Variants in ANP32B observed in about 807,000 individuals in gnomAD.
ANP32B encodes the protein acidic leucine-rich nuclear phosphoprotein 32 family member B.
In ANP32B, 6 loss-of-function variants were observed where a neutral mutation model predicts 32.2. That is an observed-to-expected ratio of 0.19 (90% CI 0.10 to 0.37). The LOEUF is 0.37. Among genes scored for constraint, ANP32B ranks in the 10% least tolerant of loss-of-function variants. The pLI is 1.00. For synonymous variants in ANP32B, 98 were observed against 105.8 expected, an observed-to-expected ratio of 0.93 and a Z score of 0.45; for missense variants, 204 against 289.2, an observed-to-expected ratio of 0.71 and a Z score of 2.14.
chr9:97,985,115 G>C (rs1255671299), intron 1 of ANP32B, among the ~76,000 whole-genome samples: 1 of 151,324 alleles, frequency 6.6e-6, no homozygotes, highest in East Asian at 2.0e-4. Context: ...CCGCGGCCGG[G>C]TGCCCCAGCG....
rs535530800 is a variant in ANP32B at position 97,998,660 on chromosome 9, C to A, written c.309C>A (p.Ile103=). 5.7e-4 allele frequency: 915 copies of A among 1,604,468 alleles called. 15 individuals are homozygous for A. In the South Asian group the frequency reaches 9.8e-3, roughly 17 times the overall value. ...LNLSGNKLKD[I]STLEPLKKLE... ...TAAGTGGAAATAAACTGAAAGATAT[C>A]AGCACCTTGGAACCTTTGGTAAGTA... Residue 103 remains isoleucine, a synonymous_variant, in exon 3 of 7, where the codon ATC becomes ATA. Transcript: ENST00000339399.
At chr9:97,998,247 A>G (rs758851787) in intron 2 of ANP32B, among the ~76,000 whole-genome samples, 4 of 152,230 alleles carry the variant, frequency 2.6e-5, no homozygotes, top group Non-Finnish European at 4.4e-5. Flanking sequence ...GGGTATTACA[A>G]CTTGTCAAAG....
intron 1 of ANP32B, among the ~76,000 whole-genome samples, chr9:97,990,797 A>T (rs988489309): frequency 7.3e-6 from 1 of 137,602 alleles, no homozygotes; most frequent in Non-Finnish European, 1.6e-5. Context: ...ATGCACTTTT[A>T]CTGCTTACAG....
At chr9:97,985,600 C>T (rs1827712761) in intron 1 of ANP32B, among the ~76,000 whole-genome samples, 1 of 152,172 alleles carries the variant, frequency 6.6e-6, no homozygotes, top group Non-Finnish European at 1.5e-5. Flanking sequence ...GCCAAAGTGC[C>T]CGCAAGAGAA....
In ANP32B at chr9:98,003,286, GA is replaced by G. The variant is rs776287117; in HGVS notation, c.328-1676del. ...TAACCCTGCTGTGTGTTCCCTGCAT[GA>G]ATAAAACAAGTGTGGGAGCCTCTTT... On this transcript the variant is annotated intron_variant, in intron 3 of 6. Coordinates refer to ENST00000339399, the MANE Select transcript of ANP32B (RefSeq NM_006401.3). Among the ~76,000 whole-genome samples, 14 of 152,300 alleles carry G rather than the reference GA, an allele frequency of 9.2e-5. No individual in the cohort carries two copies. In the South Asian group the frequency reaches 1.0e-3, roughly 11 times the overall value.
chr9:97,984,132 G>A (rs1827654886), intron 1 of ANP32B, among the ~76,000 whole-genome samples: 1 of 150,002 alleles, frequency 6.7e-6, no homozygotes, highest in Non-Finnish European at 1.5e-5. Flanking sequence ...GCCCGGCCGA[G>A]GTCAGCAGTC....
chr9:98,004,418 T>C (rs1828044093), intron 3 of ANP32B, among the ~76,000 whole-genome samples: 1 of 152,222 alleles, frequency 6.6e-6, no homozygotes, highest in African/African-American at 2.4e-5. Flanking sequence ...TTGACTCCTG[T>C]CTTCCCTGAA....
At chr9:98,015,260 T>C (rs553877218) in intron 6 of ANP32B, 104 bp from the exon 7 acceptor site, 11 of 1,485,880 alleles carry the variant, frequency 7.4e-6, no homozygotes, top group African/African-American at 1.4e-5. Context: ...TTACATTGTT[T>C]TATCTCCTAA....
chr9:97,996,837 T>G (rs561611295), intron 2 of ANP32B, among the ~76,000 whole-genome samples: 1 of 152,002 alleles, frequency 6.6e-6, no homozygotes, highest in Non-Finnish European at 1.5e-5. Flanking sequence ...TGACCTCAGG[T>G]GATCAGCCCA....
chr9:97,984,498 TG>T (rs1158928619), intron 1 of ANP32B: 1 of 150,898 alleles, frequency 6.6e-6, no homozygotes, highest in African/African-American at 2.4e-5. Flanking sequence ...CCCCTGCCCT[TG>T]CCCCGGGAGG....
intron 1 of ANP32B, among the ~76,000 whole-genome samples, chr9:97,992,659 T>C (rs1280167897): frequency 6.6e-6 from 1 of 152,238 alleles, no homozygotes; most frequent in Non-Finnish European, 1.5e-5. Context: ...TGTATTGCAG[T>C]ATACTGTTTA....
intron 1 of ANP32B, among the ~76,000 whole-genome samples, chr9:97,988,712 G>A (rs62575563): frequency 0.021 from 3,252 of 152,114 alleles, 38 homozygotes; most frequent in Non-Finnish European, 0.032. Context: ...GCAAAAGAGC[G>A]AGACTCCATC....
chr9:98,005,049 T>A lies in ANP32B; in HGVS notation c.413T>A (p.Leu138His), dbSNP rs761932651. The change falls in exon 4 of 7, where the codon CTC (leucine) becomes CAC (histidine). Residue 138 changes from leucine (L) to histidine (H), a missense_variant. By Grantham distance (99) the Leu-to-His change is moderately conservative. Coordinates refer to ENST00000339399, the MANE Select transcript of ANP32B (RefSeq NM_006401.3). Reference sequence around the variant, plus strand: ...GACTACCGAGAGAGTGTCTTCAAGCTCCTGCCCCAGCTTACCTACTTGGAT... The same window carrying A: ...GACTACCGAGAGAGTGTCTTCAAGCACCTGCCCCAGCTTACCTACTTGGAT... ...LNDYRESVFKLLPQLTYLDGY... is the reference protein window; with the variant it reads ...LNDYRESVFKHLPQLTYLDGY... 6.2e-7 allele frequency: 1 copy of A among 1,613,890 alleles called. No individual in the cohort carries two copies. The highest frequency in any genetic ancestry group is 1.1e-5 in the South Asian group (1 of 91,046).
Position 97,983,408 on chromosome 9 carries a change from C to G in ANP32B, c.-148C>G. ...GCTCCGGGGGCTCCGCTCGCCTGCC[C>G]GCACGCCGCCCGCCACCCAGGACCG... On this transcript the variant is annotated 5_prime_UTR_variant, in exon 1 of 7. Coordinates refer to ENST00000339399, the MANE Select transcript of ANP32B (RefSeq NM_006401.3). 1 of 635,728 alleles carries G rather than the reference C, an allele frequency of 1.6e-6. No homozygotes were observed. Among genetic ancestry groups the G allele is most frequent in the Non-Finnish European group, 2.7e-6 (1 of 377,124 alleles). 39.4% of individuals were successfully genotyped at this position (635,728 alleles called of 1,614,324 possible). A position where few individuals can be genotyped will look rare whatever the true frequency, so the allele number is the denominator to read the frequency against.
At chr9:98,001,226 C>T (rs1374867839) in intron 3 of ANP32B, among the ~76,000 whole-genome samples, 1 of 146,466 alleles carries the variant, frequency 6.8e-6, no homozygotes, top group African/African-American at 2.5e-5. Context: ...GAGTCTCGCT[C>T]TGTCACCCAG....
At chr9:97,987,251 TA>T (rs1554723489) in intron 1 of ANP32B, among the ~76,000 whole-genome samples, 1 of 141,456 alleles carries the variant, frequency 7.1e-6, no homozygotes, top group Non-Finnish European at 1.6e-5. Flanking sequence ...CAAAATGGCC[TA>T]AGATGGCATT....
intron 3 of ANP32B, among the ~76,000 whole-genome samples, chr9:98,001,192 A>ATTT (rs756650846): frequency 1.5e-5 from 2 of 135,736 alleles, no homozygotes; most frequent in Non-Finnish European, 1.6e-5. Context: ...TTCTGGTTTA[A>ATTT]TTTTTTTTTT....
At chr9:98,005,233 G>T in intron 4 of ANP32B, 80 bp downstream of exon 4, 1 of 1,410,110 alleles carries the variant, frequency 7.1e-7, no homozygotes, top group Non-Finnish European at 9.7e-7. Context: ...TTGGCCGGGC[G>T]CAGTGGCACA....
chr9:98,004,654 CTGTT>C lies in ANP32B; in HGVS notation c.328-307_328-304del, dbSNP rs1335412154. ...ATTTGTTTCAGCTAAATTTATTAAA[CTGTT>C]TGATTGTCTCATACTGTGAAAATAC... On this transcript the variant is annotated intron_variant, in intron 3 of 6. Coordinates refer to ENST00000339399, the MANE Select transcript of ANP32B (RefSeq NM_006401.3). Among the ~76,000 whole-genome samples, 9 of 152,230 alleles carry C rather than the reference CTGTT, an allele frequency of 5.9e-5. No individual in the cohort carries two copies. The East Asian group carries it at 1.7e-3, about 29-fold the overall frequency.
Sources: gnomAD v4.1 joint callset for allele counts (sites outside exome capture counted in the v4.1 genomes callset) on GRCh38, gnomAD v4.1.1 for gene constraint, MANE v1.5 for transcripts, NCBI Gene and HGNC (gene_info 2026-07-23, HGNC 2026-07-21) for gene names.